Variants in LRP2 observed in about 807,000 individuals in gnomAD.
The protein encoded by LRP2 is LDL receptor related protein 2.
Under a neutral mutation model 531.0 loss-of-function variants are expected in LRP2, and 172 were observed. The observed-to-expected ratio is 0.32, with a 90% confidence interval of 0.29 to 0.37. The LOEUF (loss-of-function observed/expected upper bound fraction) is 0.37. Among genes scored for constraint, LRP2 ranks in the 10% least tolerant of loss-of-function variants. LRP2 has a pLI of 1.00. For missense variants in LRP2, 5,167 were observed against 5,868.3 expected (o/e 0.88, Z 3.90); for synonymous variants, 1,992 against 2,027.6 (o/e 0.98, Z 0.47).
intron 63 of LRP2, among the ~76,000 whole-genome samples, chr2:169,157,915 T>G (rs372239861): frequency 1.6e-5 from 1 of 61,292 alleles, no homozygotes; most frequent in Admixed American, 2.2e-4. Context: ...AGATAACAGA[T>G]AGAAATAAAT....
At chr2:169,293,740 A>G (rs886317844) in intron 6 of LRP2, among the ~76,000 whole-genome samples, 1 of 152,230 alleles carries the variant, frequency 6.6e-6, no homozygotes, top group African/African-American at 2.4e-5. Flanking sequence ...CAGAAATTTC[A>G]AAGTAAAGAG....
chr2:169,136,097 T>G (rs1173912799), intron 76 of LRP2, among the ~76,000 whole-genome samples: 1 of 152,142 alleles, frequency 6.6e-6, no homozygotes, highest in African/African-American at 2.4e-5. Context: ...TTTCTCCTTC[T>G]CTTATTCCAT....
rs202155731 is a variant in LRP2 at position 169,308,160 on chromosome 2, C to A, written c.311-763G>T. ...ATCATCTAAAAAATATAATATAATC[C>A]CCTAATGGAAGAAAAAAGATTTGCT... On this transcript the variant is annotated intron_variant, in intron 3 of 78. Coordinates refer to ENST00000649046, the MANE Select transcript of LRP2 (RefSeq NM_004525.3). 2.0e-5 allele frequency among the ~76,000 whole-genome samples: 3 copies of A among 152,030 alleles called. No homozygotes were observed. In the East Asian group the frequency reaches 5.8e-4, roughly 29 times the overall value.
At chr2:169,242,423 A>G (rs1402538872) in intron 24 of LRP2, among the ~76,000 whole-genome samples, 3 of 152,184 alleles carry the variant, frequency 2.0e-5, no homozygotes, top group African/African-American at 7.2e-5. Context: ...TATCTGTGCC[A>G]TTTCTAAGAC....
Position 169,211,989 on chromosome 2 carries a change from T to C in LRP2, c.6259A>G (p.Met2087Val), listed in dbSNP as rs1337848429. Residue 2087 changes from methionine to valine, a missense_variant, in exon 37 of 79, where the codon ATG becomes GTG. Physicochemically the swap from Met to Val is conservative, Grantham distance 21. Coordinates refer to ENST00000649046, the MANE Select transcript of LRP2 (RefSeq NM_004525.3). Reference sequence around the variant, plus strand: ...ATACCTTGGCCTGCCACCGGCACCATGGTTTCTGAATGATCTGACAATTCC... The same window carrying C: ...ATACCTTGGCCTGCCACCGGCACCACGGTTTCTGAATGATCTGACAATTCC... The part of the protein sequence containing the change: ...SLELSDHSET[M>V]VPVAGQGRNA... 6.2e-6 allele frequency: 10 copies of C among 1,614,006 alleles called. No homozygotes were observed. The highest frequency in any genetic ancestry group is 8.5e-6 in the Non-Finnish European group (10 of 1,179,888).
At chr2:169,269,821 C>A (rs1471603812) in intron 16 of LRP2, among the ~76,000 whole-genome samples, 1 of 152,116 alleles carries the variant, frequency 6.6e-6, no homozygotes, top group African/African-American at 2.4e-5. Flanking sequence ...AACAGGCAAC[C>A]TACAGAATAG....
In LRP2 at chr2:169,177,814, C is replaced by T. The variant is rs957487740; in HGVS notation, c.10382G>A (p.Arg3461Lys). The change falls in exon 53 of 79, where the codon AGG (arginine) becomes AAG (lysine). Residue 3461 changes from arginine to lysine, a missense_variant. By Grantham distance (26) the Arg-to-Lys change is conservative (BLOSUM62 2). Transcript: ENST00000649046. The part of the protein sequence containing the change: ...PFDIHVYHPY[R>K]QPIVSNPCGT... ...AATCACCTACTCACCAATGGGCTGC[C>T]TATATGGATGGTACACATGGATGTC... 5 of 1,614,056 alleles carry T rather than the reference C, an allele frequency of 3.1e-6. No homozygotes were observed. The highest frequency in any genetic ancestry group is 4.2e-6 in the Non-Finnish European group (5 of 1,180,006).
At chr2:169,178,982 C>G (rs1558998419) in intron 52 of LRP2, among the ~76,000 whole-genome samples, 1 of 143,970 alleles carries the variant, frequency 6.9e-6, no homozygotes, top group South Asian at 2.2e-4. Flanking sequence ...TAGTCACCAT[C>G]TGATTTATTT....
chr2:169,274,159 T>C (rs898023325), intron 14 of LRP2, among the ~76,000 whole-genome samples: 1 of 152,186 alleles, frequency 6.6e-6, no homozygotes, highest in African/African-American at 2.4e-5. Context: ...TGCTCACCAA[T>C]ATTAAGCTTT....
chr2:169,338,359 GGAAAGAAAGAAAGAAAGAAA>G (rs869084371), intron 1 of LRP2, among the ~76,000 whole-genome samples: 149 of 76,636 alleles, frequency 1.9e-3, no homozygotes, highest in African/African-American at 7.1e-3. Flanking sequence ...AAAGAAAGAA[GGAAAGAAAGAAAGAAAGAAA>G]GAAAGAAAGA....
At chr2:169,139,775 G>A (rs948987062) in intron 72 of LRP2, 165 bp from the exon 73 acceptor site, 3 of 714,928 alleles carry the variant, frequency 4.2e-6, no homozygotes, top group Admixed American at 2.0e-5. Flanking sequence ...GAGAAGACAA[G>A]CAGAAAGAAC....
intron 48 of LRP2, among the ~76,000 whole-genome samples, chr2:169,189,394 G>C (rs1687752544): frequency 6.6e-6 from 1 of 152,160 alleles, no homozygotes. Context: ...AGGCAGACTG[G>C]CTCAGCTTCA....
intron 9 of LRP2, among the ~76,000 whole-genome samples, chr2:169,286,437 G>C (rs1451145063): frequency 6.6e-6 from 1 of 152,212 alleles, no homozygotes; most frequent in African/African-American, 2.4e-5. Context: ...CTCTGATCCT[G>C]AAATTATCCT....
intron 25 of LRP2, among the ~76,000 whole-genome samples, chr2:169,240,315 C>A (rs1368182566): frequency 6.6e-6 from 1 of 152,186 alleles, no homozygotes; most frequent in Non-Finnish European, 1.5e-5. Context: ...TGCCTAAAGC[C>A]ACCCTAAGAC....
chr2:169,221,810 G>T (rs1413068576), intron 33 of LRP2, among the ~76,000 whole-genome samples: 1 of 151,678 alleles, frequency 6.6e-6, no homozygotes, highest in Non-Finnish European at 1.5e-5. Context: ...TCTTTTCTCG[G>T]TTTGCCTCTT....
chr2:169,275,458 A>C (rs992324094), intron 13 of LRP2: 5 of 538,316 alleles, frequency 9.3e-6, no homozygotes, highest in Non-Finnish European at 1.7e-5. Context: ...TGAGACTTAC[A>C]TTCCAGTCCC....
At chr2:169,344,838 T>C (rs1168473671) in intron 1 of LRP2, among the ~76,000 whole-genome samples, 1 of 152,210 alleles carries the variant, frequency 6.6e-6, no homozygotes, top group East Asian at 1.9e-4. Flanking sequence ...TCCTTAAGCC[T>C]GACTTTTCCT....
Position 169,206,135 on chromosome 2 carries a change from A to G in LRP2, c.7444T>C (p.Tyr2482His). The G allele has an allele frequency of 6.2e-7, 1 of 1,614,208 alleles. No individual in the cohort carries two copies. Among genetic ancestry groups the G allele is most frequent in the Non-Finnish European group, 8.5e-7 (1 of 1,180,030 alleles). ...AFDWITRRIYYSDYLNQMINS... is the reference protein window; with the variant it reads ...AFDWITRRIYHSDYLNQMINS... The stretch of plus-strand genomic sequence containing the variant: ...ATCATCTGGTTGAGGTAGTCACTGT[A>G]ATAAATTCTTCTAGTAATCCAGTCA... Residue 2482 changes from tyrosine (Y) to histidine (H), a missense_variant, in exon 40 of 79, where the codon TAC (tyrosine) becomes CAC (histidine). Transcript: ENST00000649046.
intron 1 of LRP2, among the ~76,000 whole-genome samples, chr2:169,348,279 C>A (rs1166964285): frequency 6.6e-6 from 1 of 152,164 alleles, no homozygotes; most frequent in African/African-American, 2.4e-5. Flanking sequence ...TGCCTCCAAC[C>A]TATTTGTTAC....
Sources: allele counts gnomAD v4.1 joint callset (sites outside exome capture counted in the v4.1 genomes callset), GRCh38; gene constraint gnomAD v4.1.1; transcripts MANE v1.5; gene names NCBI Gene and HGNC (gene_info 2026-07-23, HGNC 2026-07-21).